The following GXYLT1 variants were observed in gnomAD, a reference collection of about 807,000 sequenced individuals.
GXYLT1 encodes the protein glucoside xylosyltransferase 1.
Under a neutral mutation model 54.0 loss-of-function variants are expected in GXYLT1, and 29 were observed. The ratio of observed to expected loss-of-function variants is 0.54; its 90% CI spans 0.40 to 0.73. The LOEUF is 0.73. Among genes scored for constraint, GXYLT1 ranks in the 30% least tolerant of loss-of-function variants. GXYLT1 has a pLI of 0.00. For missense variants in GXYLT1, 490 were observed against 553.4 expected, an observed-to-expected ratio of 0.89 and a Z score of 1.15; for synonymous variants, 176 against 204.1, an observed-to-expected ratio of 0.86 and a Z score of 1.17.
rs149085137 is a variant in GXYLT1 at position 42,094,940 on chromosome 12, T to C, written c.1161+2502A>G. On this transcript the variant is annotated intron_variant, in intron 7 of 7. Coordinates refer to ENST00000398675, the MANE Select transcript of GXYLT1 (RefSeq NM_173601.2). ...TGAAATGGGTGAACTTTGTGGTATA[T>C]AAATTATGTTTCATTAGTTATTTTT... Among the ~76,000 whole-genome samples the C allele has an allele frequency of 6.1e-3, 923 of 152,262 alleles. 5 individuals are homozygous for C. Among genetic ancestry groups the C allele is most frequent in the Middle Eastern group, 0.051 (15 of 294 alleles).
At chr12:42,112,892 T>A (rs1027071373) in intron 3 of GXYLT1, among the ~76,000 whole-genome samples, 1 of 151,144 alleles carries the variant, frequency 6.6e-6, no homozygotes, top group African/African-American at 2.5e-5. Flanking sequence ...AAAGGTCGGG[T>A]TACCCTCAAA....
At chr12:42,093,159 G>C (rs1267066535) in intron 7 of GXYLT1, among the ~76,000 whole-genome samples, 1 of 152,144 alleles carries the variant, frequency 6.6e-6, no homozygotes, top group Non-Finnish European at 1.5e-5. Flanking sequence ...GTGCAATGGA[G>C]CGATCCTGGC....
At chr12:42,137,497 C>G (rs7979829) in intron 1 of GXYLT1, among the ~76,000 whole-genome samples, 1 of 85,170 alleles carries the variant, frequency 1.2e-5, no homozygotes, top group Non-Finnish European at 2.2e-5. Context: ...GACAGAGCAT[C>G]TGTTTCAAAA....
At chr12:42,100,823 A>G (rs1015652415) in intron 5 of GXYLT1, among the ~76,000 whole-genome samples, 1 of 152,128 alleles carries the variant, frequency 6.6e-6, no homozygotes, top group Non-Finnish European at 1.5e-5. Context: ...TTCAACAGAC[A>G]GAACTGGTGG....
In GXYLT1 at chr12:42,116,891, A is replaced by G. The variant is rs140872635; in HGVS notation, c.486+2109T>C. On this transcript the variant is annotated intron_variant, in intron 3 of 7. Coordinates refer to ENST00000398675, the MANE Select transcript of GXYLT1 (RefSeq NM_173601.2). ...TTGGAACCAACCTAAATGTCCCACA[A>G]TGATAGACTGGATTAAGAAAATGTG... Among the ~76,000 whole-genome samples the G allele has an allele frequency of 6.5e-3, 994 of 152,148 alleles. 41 individuals are homozygous for G. In the East Asian group the frequency reaches 0.089, roughly 14 times the overall value.
chr12:42,102,778 G>A (rs182202679), intron 5 of GXYLT1, among the ~76,000 whole-genome samples: 5 of 151,850 alleles, frequency 3.3e-5, no homozygotes, highest in African/African-American at 1.2e-4. Flanking sequence ...GATTCAACAC[G>A]GCAAATACGA....
rs144688545 is a variant in GXYLT1, at chr12:42,117,446, A to G, written c.486+1554T>C. On this transcript the variant is annotated intron_variant, in intron 3 of 7. Transcript: ENST00000398675. ...ACCTTTTAGTTTTCTGCCAAAAAGTATAAACGTTTTTGGCAGAAAACTGAA... is the reference window on the plus strand; with the variant it reads ...ACCTTTTAGTTTTCTGCCAAAAAGTGTAAACGTTTTTGGCAGAAAACTGAA... Among the ~76,000 whole-genome samples the G allele has an allele frequency of 4.7e-3, 715 of 152,168 alleles. 7 individuals carry two copies. The highest frequency in any genetic ancestry group is 0.016 in the African/African-American group (684 of 41,556).
rs11406709 is a variant in GXYLT1, at chr12:42,094,351, C to CAA, written c.1161+3089_1161+3090dup. Reference sequence around the variant, plus strand: ...GGGTGACAAGAGCATAACCCTGCCTCAAAAAAAAAAAAAAAAAAAGATGAG... The same window carrying CAA: ...GGGTGACAAGAGCATAACCCTGCCTCAAAAAAAAAAAAAAAAAAAAAGATGAG... On this transcript the variant is annotated intron_variant, in intron 7 of 7. Coordinates refer to ENST00000398675, the MANE Select transcript of GXYLT1 (RefSeq NM_173601.2). 0.016 allele frequency among the ~76,000 whole-genome samples: 1,188 copies of CAA among 74,598 alleles called. 39 individuals are homozygous for CAA. In the East Asian group the frequency reaches 0.17, roughly 10 times the overall value. 48.9% of individuals were successfully genotyped at this position (74,598 alleles called of 152,430 possible).
intron 1 of GXYLT1, among the ~76,000 whole-genome samples, chr12:42,138,793 G>A (rs779985577): frequency 6.6e-6 from 1 of 152,146 alleles, no homozygotes. Context: ...GGCCGAGGCA[G>A]GTGGATCACC....
At chr12:42,093,829 C>A (rs189731094) in intron 7 of GXYLT1, among the ~76,000 whole-genome samples, 1 of 152,102 alleles carries the variant, frequency 6.6e-6, no homozygotes, top group Non-Finnish European at 1.5e-5. Context: ...TGAGCCACTG[C>A]GCCCAGCCAA....
intron 7 of GXYLT1, among the ~76,000 whole-genome samples, chr12:42,088,588 G>A (rs932753351): frequency 6.6e-6 from 1 of 152,134 alleles, no homozygotes; most frequent in Non-Finnish European, 1.5e-5. Context: ...TATATTTTTG[G>A]CTAGAGTCCT....
At chr12:42,103,427 A>C (rs1401415135) in intron 5 of GXYLT1, among the ~76,000 whole-genome samples, 1 of 152,222 alleles carries the variant, frequency 6.6e-6, no homozygotes, top group Non-Finnish European at 1.5e-5. Context: ...ACAATCGTGG[A>C]TCTGTATAAA....
chr12:42,128,323 A>G (rs1396810527), intron 2 of GXYLT1, among the ~76,000 whole-genome samples: 2 of 152,256 alleles, frequency 1.3e-5, no homozygotes, highest in African/African-American at 2.4e-5. Context: ...TAATCAGTCC[A>G]CAATATATAC....
chr12:42,092,764 C>T (rs1324700529), intron 7 of GXYLT1, among the ~76,000 whole-genome samples: 1 of 152,074 alleles, frequency 6.6e-6, no homozygotes, highest in African/African-American at 2.4e-5. Flanking sequence ...AACTGTAAAG[C>T]AGGGGTGTCC....
rs183706632 is a variant in GXYLT1 at position 42,086,276 on chromosome 12, T to G, written c.*1510A>C. Reference sequence around the variant, plus strand: ...TAAGAATGCTGGACTGGTTATCAACTTCTAATGCACCCTGCTTAAACTTTC... The same window carrying G: ...TAAGAATGCTGGACTGGTTATCAACGTCTAATGCACCCTGCTTAAACTTTC... On this transcript the variant is annotated 3_prime_UTR_variant, in exon 8 of 8. Transcript: ENST00000398675. 5.2e-5 allele frequency: 8 copies of G among 152,412 alleles called. No homozygotes were observed. Among genetic ancestry groups the G allele is most frequent in the Admixed American group, 4.6e-4 (7 of 15,310 alleles). 9.4% of individuals were successfully genotyped at this position (152,412 alleles called of 1,614,324 possible). A position where few individuals can be genotyped will look rare whatever the true frequency, so the allele number is the denominator to read the frequency against.
Position 42,113,090 on chromosome 12 carries a change from T to G in GXYLT1, c.487-3399A>C, listed in dbSNP as rs541694453. ...ACAGACAAGCAAATGCTGAGAGATT[T>G]TGTCACCACCAGGCCTGCCCTAAAA... On this transcript the variant is annotated intron_variant, in intron 3 of 7. Coordinates refer to ENST00000398675, the MANE Select transcript of GXYLT1 (RefSeq NM_173601.2). Among the ~76,000 whole-genome samples, 120 of 151,170 alleles carry G rather than the reference T, an allele frequency of 7.9e-4. 4 individuals are homozygous for G. Among genetic ancestry groups the G allele is most frequent in the African/African-American group, 2.4e-3 (99 of 40,508 alleles).
chr12:42,112,647 G>C (rs151080427), intron 3 of GXYLT1, among the ~76,000 whole-genome samples: 1,696 of 152,240 alleles, frequency 0.011, 30 homozygotes, highest in African/African-American at 0.038. Context: ...CATGTGAAAA[G>C]ACCAAATCTA....
In GXYLT1 at chr12:42,136,299, G is replaced by A. The variant is rs191480528; in HGVS notation, c.222-6448C>T. Among the ~76,000 whole-genome samples the A allele has an allele frequency of 2.5e-3, 381 of 152,318 alleles. 1 individual carries two copies. Among genetic ancestry groups the A allele is most frequent in the African/African-American group, 8.5e-3 (355 of 41,566 alleles). On this transcript the variant is annotated intron_variant, in intron 1 of 7. Coordinates refer to ENST00000398675, the MANE Select transcript of GXYLT1 (RefSeq NM_173601.2). ...AGTTTGAAAATACTGGAAAAGTAAA[G>A]GTAGTTATCCAGGTTCTGGCTATTA...
In GXYLT1 at chr12:42,109,593, T is replaced by G. The variant is rs1301596242; in HGVS notation, c.585A>C (p.Pro195=). The G allele has an allele frequency of 6.3e-7, 1 of 1,576,840 alleles. No individual in the cohort carries two copies. Among genetic ancestry groups the G allele is most frequent in the African/African-American group, 1.4e-5 (1 of 72,054 alleles). The change falls in exon 4 of 8, where the codon CCA becomes CCC. Residue 195 remains proline (P), a synonymous_variant. Coordinates refer to ENST00000398675, the MANE Select transcript of GXYLT1 (RefSeq NM_173601.2). ...NAAEWKKLFK[P]CASQRLFLPL... is the part of the protein sequence containing the mutation. The stretch of plus-strand genomic sequence containing the variant: ...GCAAGAACAATCTCTGCGAAGCACA[T>G]GGTTTAAAGAGTTTTTTCCACTCTG...
Sources: gnomAD v4.1 joint callset for allele counts (sites outside exome capture counted in the v4.1 genomes callset) on GRCh38, gnomAD v4.1.1 for gene constraint, MANE v1.5 for transcripts, NCBI Gene and HGNC (gene_info 2026-07-23, HGNC 2026-07-21) for gene names.